Variants in KPNA4 observed in about 807,000 individuals in gnomAD.
KPNA4 encodes karyopherin subunit alpha 4.
Under a neutral mutation model 71.3 loss-of-function variants are expected in KPNA4, and 13 were observed. That is an observed-to-expected ratio of 0.18 (90% CI 0.12 to 0.29). The LOEUF (loss-of-function observed/expected upper bound fraction) is 0.29. KPNA4 is among the 10% of genes least tolerant of loss of function. The pLI, the probability that KPNA4 is intolerant of heterozygous loss-of-function variation, is 1.00. For synonymous variants in KPNA4, 189 were observed against 195.2 expected (o/e 0.97, Z 0.26); for missense variants, 334 against 603.2 (o/e 0.55, Z 4.67).
chr3:160,529,280 G>A (rs1364293811), intron 7 of KPNA4, among the ~76,000 whole-genome samples: 1 of 151,986 alleles, frequency 6.6e-6, no homozygotes, highest in Non-Finnish European at 1.5e-5. Context: ...AAGCAGACTA[G>A]CAGGGTCAAA....
At position 160,565,564 on chromosome 3, in the gene KPNA4, C is replaced by T; in HGVS notation, c.-282G>A. 1 of 520,666 alleles carries T rather than the reference C, an allele frequency of 1.9e-6. No individual in the cohort carries two copies. Among genetic ancestry groups the T allele is most frequent in the Non-Finnish European group, 3.4e-6 (1 of 297,746 alleles). The allele number at this position is 520,666 out of a possible 1,614,324, so 32.3% of individuals were successfully genotyped here. On this transcript the variant is annotated 5_prime_UTR_variant, in exon 1 of 17. Transcript: ENST00000334256. ...CTGCCGGCTGAGAGGGGGAGGCAGC[C>T]TCGATCTGAGGGCCCCGGCGCTGCG...
rs1720863357 is a variant in KPNA4, at chr3:160,500,879, C to T, written c.*1225G>A. On this transcript the variant is annotated 3_prime_UTR_variant, in exon 17 of 17. Transcript: ENST00000334256. Reference sequence around the variant, plus strand: ...TTTCATAGAAAACAAAGTTTGAAAACAAGTAACATTTAAACACAGCACGGT... The same window carrying T: ...TTTCATAGAAAACAAAGTTTGAAAATAAGTAACATTTAAACACAGCACGGT... The T allele has an allele frequency of 6.6e-6, 1 of 152,466 alleles. No individual in the cohort carries two copies. Among genetic ancestry groups the T allele is most frequent in the African/African-American group, 2.4e-5 (1 of 41,394 alleles). The allele number at this position is 152,466 out of a possible 1,614,324, so 9.4% of individuals were successfully genotyped here. A position where few individuals can be genotyped will look rare whatever the true frequency, so the allele number is the denominator to read the frequency against.
At chr3:160,558,255 A>G (rs1282093457) in intron 1 of KPNA4, among the ~76,000 whole-genome samples, 1 of 152,220 alleles carries the variant, frequency 6.6e-6, no homozygotes, top group Non-Finnish European at 1.5e-5. Flanking sequence ...TGACTGTTAA[A>G]TAAGGGGAAT....
At chr3:160,559,304 C>T (rs975195767) in intron 1 of KPNA4, among the ~76,000 whole-genome samples, 1 of 152,082 alleles carries the variant, frequency 6.6e-6, no homozygotes, top group Non-Finnish European at 1.5e-5. Context: ...TTGAGCTTCC[C>T]AGAGAAAGTT....
chr3:160,512,684 T>C (rs942134809), intron 13 of KPNA4, among the ~76,000 whole-genome samples: 5 of 152,060 alleles, frequency 3.3e-5, no homozygotes, highest in African/African-American at 9.7e-5. Context: ...ATACAAAAAT[T>C]AGCTGGGTGT....
Position 160,538,425 on chromosome 3 carries a change from T to C in KPNA4, c.70-1585A>G, listed in dbSNP as rs1176379094. On this transcript the variant is annotated intron_variant, in intron 1 of 16. Transcript: ENST00000334256. ...TATTACTATGGTTAACTGGCTACAT[T>C]GAGTGAAGGAAACACTGCTTCAGTT... Among the ~76,000 whole-genome samples the C allele has an allele frequency of 2.0e-5, 3 of 152,274 alleles. No homozygotes were observed. In the East Asian group the frequency reaches 5.8e-4, roughly 29 times the overall value.
chr3:160,502,360 A>T (rs1560042702), intron 16 of KPNA4, among the ~76,000 whole-genome samples, 158 bp from the exon 17 acceptor site: 1 of 151,882 alleles, frequency 6.6e-6, no homozygotes, highest in Non-Finnish European at 1.5e-5. Context: ...CAGTTTATAG[A>T]AGGTTTTTTT....
rs1720796793 is a variant in KPNA4 at position 160,497,855 on chromosome 3, T to C, written c.*4249A>G. ...AAGTTGGCCTATTTATAGTTCACTT[T>C]AATAGCTACAATGGAAGATTCAATT... On this transcript the variant is annotated 3_prime_UTR_variant, in exon 17 of 17. Transcript: ENST00000334256. 2 of 152,184 alleles carry C rather than the reference T, an allele frequency of 1.3e-5. No homozygotes were observed. 9.4% of individuals were successfully genotyped at this position (152,184 alleles called of 1,614,324 possible).
chr3:160,513,249 G>GA (rs1721137259), intron 13 of KPNA4, among the ~76,000 whole-genome samples: 1 of 80,626 alleles, frequency 1.2e-5, no homozygotes, highest in Non-Finnish European at 2.3e-5. Flanking sequence ...CTACTTTGTG[G>GA]TTTTTTTTTT....
At chr3:160,517,769 C>G (rs73155922) in intron 11 of KPNA4, among the ~76,000 whole-genome samples, 22,548 of 151,176 alleles carry the variant, frequency 0.15, 2,175 homozygotes, top group Non-Finnish European at 0.21. Flanking sequence ...TCTTTAGAAG[C>G]CTGCTTACTC....
chr3:160,551,828 G>C (rs1722044859), intron 1 of KPNA4, among the ~76,000 whole-genome samples: 1 of 151,354 alleles, frequency 6.6e-6, no homozygotes, highest in Admixed American at 6.6e-5. Flanking sequence ...CAGCAATGAT[G>C]TTCTGGGAAG....
At position 160,535,273 on chromosome 3, in the gene KPNA4, G is replaced by A. The variant is rs564138094; in HGVS notation, c.287+240C>T. 7.5e-4 allele frequency among the ~76,000 whole-genome samples: 114 copies of A among 152,168 alleles called. 1 individual carries two copies. The highest frequency in any genetic ancestry group is 6.8e-3 in the Middle Eastern group (2 of 294). On this transcript the variant is annotated intron_variant, in intron 5 of 16. Coordinates refer to ENST00000334256, the MANE Select transcript of KPNA4 (RefSeq NM_002268.5). ...TTTCCTTGGCATCTGTATGCATTAT[G>A]TATATTAAACCTTCAGTGTACACTT... is the stretch of plus-strand genomic sequence containing the variant.
intron 5 of KPNA4, among the ~76,000 whole-genome samples, chr3:160,531,799 C>A (rs537711348): frequency 6.1e-5 from 9 of 146,704 alleles, no homozygotes; most frequent in African/African-American, 2.2e-4. Flanking sequence ...ACTTTACTAC[C>A]TTTTTTTTTT....
At chr3:160,513,249 G>GTTTTTT (rs946090860) in intron 13 of KPNA4, among the ~76,000 whole-genome samples, 25 of 80,638 alleles carry the variant, frequency 3.1e-4, no homozygotes, top group Middle Eastern at 0.011. Flanking sequence ...CTACTTTGTG[G>GTTTTTT]TTTTTTTTTT....
At chr3:160,518,503 C>T (rs1028053942) in intron 11 of KPNA4, among the ~76,000 whole-genome samples, 1 of 151,240 alleles carries the variant, frequency 6.6e-6, no homozygotes, top group African/African-American at 2.4e-5. Context: ...GATATCCAGT[C>T]GTTCTTGCCC....
intron 1 of KPNA4, among the ~76,000 whole-genome samples, chr3:160,547,655 T>C (rs1043683914): frequency 6.6e-6 from 1 of 152,190 alleles, no homozygotes; most frequent in Non-Finnish European, 1.5e-5. Context: ...TATAATGATA[T>C]GCATCCATTA....
At chr3:160,521,757 A>T (rs1368862389) in intron 11 of KPNA4, 22 bp downstream of exon 11, 1 of 1,606,232 alleles carries the variant, frequency 6.2e-7, no homozygotes, top group East Asian at 2.2e-5. Context: ...AATACTTATA[A>T]TTTAACTAAG....
intron 1 of KPNA4, among the ~76,000 whole-genome samples, chr3:160,543,365 G>A: frequency 1.3e-5 from 2 of 151,894 alleles, no homozygotes; most frequent in Non-Finnish European, 2.9e-5. Context: ...CCCCGAGACA[G>A]AATCTCACTC....
intron 16 of KPNA4, among the ~76,000 whole-genome samples, 171 bp from the exon 17 acceptor site, chr3:160,502,373 T>TC (rs928453041): frequency 2.6e-5 from 4 of 152,112 alleles, no homozygotes; most frequent in Admixed American, 6.5e-5. Context: ...GTTTTTTTTT[T>TC]CTTTCTTTCT....
Sources: allele counts gnomAD v4.1 joint callset (sites outside exome capture counted in the v4.1 genomes callset), GRCh38; gene constraint gnomAD v4.1.1; transcripts MANE v1.5; gene names NCBI Gene and HGNC (gene_info 2026-07-23, HGNC 2026-07-21).